The following IRS4 variants were observed in gnomAD, a reference collection of about 807,000 sequenced individuals.
IRS4 encodes 160 kDa phosphotyrosine protein.
IRS4 carries 15 observed loss-of-function variants against 48.6 expected under a neutral mutation model. That is an observed-to-expected ratio of 0.31 (90% CI 0.21 to 0.48). The LOEUF (loss-of-function observed/expected upper bound fraction) is 0.48. Ranked by LOEUF, IRS4 falls within the 20% of genes least tolerant of loss-of-function variation. IRS4 has a pLI of 0.99. For synonymous variants in IRS4, 459 were observed against 413.2 expected (o/e 1.11, Z -1.34); for missense variants, 987 against 1,023.4 (o/e 0.96, Z 0.49).
At chrX:108,728,373 G>A (rs1271077492) in intron 1 of IRS4, among the ~76,000 whole-genome samples, 1 of 112,294 alleles carries the variant, frequency 8.9e-6, no homozygotes, top group Non-Finnish European at 1.9e-5. Flanking sequence ...AAGCAAACTT[G>A]TAATTTTTTC....
Position 108,735,192 on chromosome X carries a change from C to A in IRS4, c.1153G>T (p.Ala385Ser). 8.3e-7 allele frequency: 1 copy of A among 1,211,458 alleles called. No individual in the cohort carries two copies. The highest frequency in any genetic ancestry group is 1.1e-6 in the Non-Finnish European group (1 of 895,524). The change falls in exon 1 of 2, where the codon GCC becomes TCC. Residue 385 changes from alanine (A) to serine (S), a missense_variant. By Grantham distance (99) the Ala-to-Ser change is moderately conservative (BLOSUM62 1). Transcript: ENST00000372129. ...SRFEQFCHLR[A>S]IGDGEDEMLF... Reference sequence around the variant, plus strand: ...ATCTCGTCTTCCCCGTCGCCGATGGCCCTGAGGTGGCAAAACTGCTCAAAG... The same window carrying A: ...ATCTCGTCTTCCCCGTCGCCGATGGACCTGAGGTGGCAAAACTGCTCAAAG...
At chrX:108,732,518 C>G (rs892970469) in intron 1 of IRS4, 61 bp downstream of exon 1, 75 of 1,206,910 alleles carry the variant, frequency 6.2e-5, no homozygotes, top group Non-Finnish European at 7.6e-5. Flanking sequence ...TAGACTGTAG[C>G]GCATCGAATC....
At chrX:108,723,047 A>C (rs2068861205) in intron 1 of IRS4, 1 of 112,448 alleles carries the variant, frequency 8.9e-6, no homozygotes, top group South Asian at 3.7e-4. Flanking sequence ...AAAAGAAAAA[A>C]GTTCCAGCAT....
rs1186872099 is a variant in IRS4, at chrX:108,735,732, G to T, written c.613C>A (p.Arg205Ser). 3 of 1,185,643 alleles carry T rather than the reference G, an allele frequency of 2.5e-6. No homozygotes were observed. Among genetic ancestry groups the T allele is most frequent in the Non-Finnish European group, 2.3e-6 (2 of 883,329 alleles). The change falls in exon 1 of 2, where the codon CGC (arginine) becomes AGC (serine). Residue 205 changes from arginine to serine, a missense_variant. Physicochemically the swap from Arg to Ser is moderately radical, Grantham distance 110. This residue lies in a region of IRS4 where 173 missense variants were observed against 208.9 expected (regional missense o/e 0.83). Coordinates refer to ENST00000372129, the MANE Select transcript of IRS4 (RefSeq NM_001379150.1). The stretch of plus-strand genomic sequence containing the variant: ...GGCTGCGCGCCGAGCGTGCCGCAGC[G>T]GCGGCGCTTGCTCTCGAGGATGAGG... ...SRLILESKRR[R>S]CGTLGAQPDG...
At chrX:108,729,443 T>C (rs1206055524) in intron 1 of IRS4, among the ~76,000 whole-genome samples, 1 of 111,170 alleles carries the variant, frequency 9.0e-6, no homozygotes, top group Non-Finnish European at 1.9e-5. Flanking sequence ...TTTTGAACTA[T>C]GAATTGTACA....
chrX:108,732,609 G>C lies in IRS4; in HGVS notation c.3736C>G (p.Arg1246Gly), dbSNP rs199821642. 8.3e-7 allele frequency: 1 copy of C among 1,209,692 alleles called. No homozygotes were observed. The highest frequency in any genetic ancestry group is 1.8e-5 in the African/African-American group (1 of 57,047). ...TTGGGAGAGTCGAACTGATTATCAC[G>C]TCTGGCAAAATCCATTCTCACGTGA... ...DTHVRMDFAR[R>G]DNQFDSPKRE The change falls in exon 1 of 2, where the codon CGT (arginine) becomes GGT (glycine). Residue 1246 changes from arginine (R) to glycine (G), a missense_variant. By Grantham distance (125) the Arg-to-Gly change is moderately radical. Around this residue, in one of 4 missense-constraint regions of IRS4, gnomAD observed 720 missense variants for 660.3 expected, o/e 1.09. Transcript: ENST00000372129.
intron 1 of IRS4, among the ~76,000 whole-genome samples, chrX:108,727,285 C>T (rs1383085334): frequency 8.9e-6 from 1 of 112,211 alleles, no homozygotes; most frequent in African/African-American, 3.2e-5. Context: ...ATATCTAAAA[C>T]AGTATATAAT....
chrX:108,724,866 C>A (rs1456778816), intron 1 of IRS4: 1 of 111,530 alleles, frequency 9.0e-6, no homozygotes, highest in African/African-American at 3.3e-5. Context: ...TTTTAAACAA[C>A]AAGTTAATTT....
In IRS4 at chrX:108,735,482, G is replaced by T; in HGVS notation, c.863C>A (p.Ser288Ter). The change falls in exon 1 of 2, where the codon TCG becomes TAG. Residue 288 changes from serine to a stop codon, truncating the protein, a stop_gained. Coordinates refer to ENST00000372129, the MANE Select transcript of IRS4 (RefSeq NM_001379150.1). LOFTEE classifies it high-confidence loss of function. ...QLLSIRRCGHSEQYFFLEVGR... is the reference protein window; with the variant it reads ...QLLSIRRCGH ...TACTTCCAAGAAGAAATACTGCTCC[G>T]AGTGTCCACAGCGACGGATGCTCAG... is the stretch of plus-strand genomic sequence containing the variant. 1 of 1,210,813 alleles carries T rather than the reference G, an allele frequency of 8.3e-7. No individual in the cohort carries two copies. Among genetic ancestry groups the T allele is most frequent in the Non-Finnish European group, 1.1e-6 (1 of 895,284 alleles).
Position 108,733,581 on chromosome X carries a change from C to T in IRS4, c.2764G>A (p.Val922Ile), listed in dbSNP as rs2068922727. 1 of 1,211,999 alleles carries T rather than the reference C, an allele frequency of 8.3e-7. No homozygotes were observed. The highest frequency in any genetic ancestry group is 1.1e-6 in the Non-Finnish European group (1 of 895,585). Residue 922 changes from valine (V) to isoleucine (I), a missense_variant, in exon 1 of 2, where the codon GTC (valine) becomes ATC (isoleucine). This residue lies in a region of IRS4 where 720 missense variants were observed against 660.3 expected (regional missense o/e 1.09). Coordinates refer to ENST00000372129, the MANE Select transcript of IRS4 (RefSeq NM_001379150.1). ...TCTCTTTTAGTGAAGTCCATGTTGA[C>T]GTAGTCACTAGAGCTGTCAGCTTCT... The part of the protein sequence containing the change: ...QREADSSSDY[V>I]NMDFTKRESN...
chrX:108,732,390 T>C (rs1246806800), intron 1 of IRS4, 189 bp downstream of exon 1: 2 of 655,328 alleles, frequency 3.1e-6, no homozygotes, highest in East Asian at 7.2e-5. Context: ...GATAAAGAAA[T>C]TGATTAGATA....
rs2068853574 is a variant in IRS4, at chrX:108,720,907, C to CGGTT, written c.*1608_*1611dup. 8.9e-6 allele frequency: 1 copy of CGGTT among 112,176 alleles called. No homozygotes were observed. Among genetic ancestry groups the CGGTT allele is most frequent in the South Asian group, 3.7e-4 (1 of 2,723 alleles). 9.2% of individuals were successfully genotyped at this position (112,176 alleles called of 1,213,427 possible). On this transcript the variant is annotated 3_prime_UTR_variant, in exon 2 of 2. Coordinates refer to ENST00000372129, the MANE Select transcript of IRS4 (RefSeq NM_001379150.1). ...AGGCAAGGAAAAATAGAAGTCAACT[C>CGGTT]GGTTCTTTGGAAAAGTTAGTTTAGC...
In IRS4 at chrX:108,735,940, GC is replaced by G; in HGVS notation, c.404del (p.Gly135AlafsTer13). 8.3e-7 allele frequency: 1 copy of G among 1,202,499 alleles called. No homozygotes were observed. The highest frequency in any genetic ancestry group is 1.1e-6 in the Non-Finnish European group (1 of 891,072). ...GTGGAATGAGCGGGGGGATCGCGGC[GC>G]CAGAGGCGGCCGCCGCTGCTGCAGC... ...AAAAAAAAASGAAIPPLIPPR... is the reference protein window; with the variant it reads ...AAAAAAAAASXAAIPPLIPPR... On this transcript the variant is annotated frameshift_variant, in exon 1 of 2. Coordinates refer to ENST00000372129, the MANE Select transcript of IRS4 (RefSeq NM_001379150.1). LOFTEE classifies it high-confidence loss of function.
In IRS4 at chrX:108,735,232, C is replaced by T; in HGVS notation, c.1113G>A (p.Trp371Ter). 1 of 1,211,636 alleles carries T rather than the reference C, an allele frequency of 8.3e-7. No individual in the cohort carries two copies. The highest frequency in any genetic ancestry group is 1.8e-5 in the South Asian group (1 of 57,001). ...ACTGCTCAAAGCGGGACCTTCTGAG[C>T]CAGCCTCCCGGCTCGAGCGGCACCA... ...LGLVPLEPGG[W>*]LRRSRFEQFC... Residue 371 changes from tryptophan (W) to a stop codon, truncating the protein, a stop_gained, in exon 1 of 2, where the codon TGG becomes TGA. Transcript: ENST00000372129. LOFTEE classifies it high-confidence loss of function.
chrX:108,731,213 A>G (rs1041764045), intron 1 of IRS4, among the ~76,000 whole-genome samples: 4 of 110,444 alleles, frequency 3.6e-5, no homozygotes, highest in Non-Finnish European at 3.8e-5. Flanking sequence ...AGGGAGAAAA[A>G]GGGGATGTGG....
In IRS4 at chrX:108,733,276, T is replaced by C. The variant is rs1222987729; in HGVS notation, c.3069A>G (p.Ser1023=). 6 of 1,211,765 alleles carry C rather than the reference T, an allele frequency of 5.0e-6. No homozygotes were observed. The highest frequency in any genetic ancestry group is 5.6e-6 in the Non-Finnish European group (5 of 895,515). ...CAAGAGCCATGGCTGGTGTCATTGC[T>C]GAGTTGAAAATTACTTCAATGTAGT... ...EGDYIEVIFN[S]AMTPAMALAD... is the part of the protein sequence containing the mutation. The change falls in exon 1 of 2, where the codon TCA becomes TCG. Residue 1023 remains serine, a synonymous_variant. Coordinates refer to ENST00000372129, the MANE Select transcript of IRS4 (RefSeq NM_001379150.1).
In IRS4 at chrX:108,734,354, G is replaced by A. The variant is rs749317580; in HGVS notation, c.1991C>T (p.Thr664Met). The change falls in exon 1 of 2, where the codon ACG (threonine) becomes ATG (methionine). Residue 664 changes from threonine (T) to methionine (M), a missense_variant. By Grantham distance (81) the Thr-to-Met change is moderately conservative. This residue lies in a region of IRS4 where 720 missense variants were observed against 660.3 expected (regional missense o/e 1.09). Transcript: ENST00000372129. ...RLYFCVDRGATKECKEAKEVK... is the reference protein window; with the variant it reads ...RLYFCVDRGAMKECKEAKEVK... ...TTCTTTGGCTTCTTTGCATTCTTTC[G>A]TGGCTCCTCTGTCAACACAAAAATA... 1 of 1,210,879 alleles carries A rather than the reference G, an allele frequency of 8.3e-7. No homozygotes were observed. The highest frequency in any genetic ancestry group is 3.0e-5 in the East Asian group (1 of 33,793).
At position 108,727,916 on chromosome X, in the gene IRS4, T is replaced by C. The variant is rs2068882991; in HGVS notation, c.3766+4663A>G. 2.7e-5 allele frequency among the ~76,000 whole-genome samples: 3 copies of C among 112,436 alleles called. No homozygotes were observed. The South Asian group carries it at 1.1e-3, about 42-fold the overall frequency. ...ACACTGCTTATTCTTCCACCTGTCT[T>C]ACTTTATCCTGTTTTGCCTACTGTG... On this transcript the variant is annotated intron_variant, in intron 1 of 1. Coordinates refer to ENST00000372129, the MANE Select transcript of IRS4 (RefSeq NM_001379150.1).
chrX:108,726,917 T>C (rs1179849842), intron 1 of IRS4: 1 of 111,954 alleles, frequency 8.9e-6, no homozygotes, highest in Non-Finnish European at 1.9e-5. Context: ...ACAAGGAAGG[T>C]TGCCTCTGCA....
Sources: allele counts gnomAD v4.1 joint callset (sites outside exome capture counted in the v4.1 genomes callset), GRCh38; gene constraint gnomAD v4.1.1; regional missense constraint gnomAD v4.1.1; transcripts MANE v1.5; gene names NCBI Gene and HGNC (gene_info 2026-07-23, HGNC 2026-07-21).